KIRREL3: variants seen among roughly 807,000 people sequenced by gnomAD.
The protein encoded by KIRREL3 is kirre like nephrin family adhesion molecule 3, also known as kin of IRRE-like protein 3.
KIRREL3 carries 36 observed loss-of-function variants against 89.7 expected under a neutral mutation model. The ratio of observed to expected loss-of-function variants is 0.40; its 90% CI spans 0.31 to 0.53. KIRREL3 has a LOEUF of 0.53. KIRREL3 is among the 20% of genes least tolerant of loss of function. KIRREL3 has a pLI of 0.49. For synonymous variants in KIRREL3, 445 were observed against 441.4 expected, an observed-to-expected ratio of 1.01 and a Z score of -0.10; for missense variants, 864 against 1,056.6, an observed-to-expected ratio of 0.82 and a Z score of 2.53.
chr11:126,979,400 A>G (rs1949663874), intron 1 of KIRREL3, among the ~76,000 whole-genome samples: 1 of 152,208 alleles, frequency 6.6e-6, no homozygotes. Flanking sequence ...TTAACATATA[A>G]CAGCTACCTT....
chr11:126,464,359 A>AAG (rs1565476379), intron 5 of KIRREL3, among the ~76,000 whole-genome samples: 1 of 146,052 alleles, frequency 6.8e-6, no homozygotes, highest in Admixed American at 6.8e-5. Context: ...AAAAAAAAAA[A>AAG]AAAGAAAAAA....
intron 1 of KIRREL3, among the ~76,000 whole-genome samples, chr11:126,675,419 T>C (rs187307781): frequency 6.6e-6 from 1 of 152,222 alleles, no homozygotes; most frequent in African/African-American, 2.4e-5. Context: ...GAGATTACAA[T>C]GAACAACATT....
chr11:126,855,864 C>T (rs942928183), intron 1 of KIRREL3, among the ~76,000 whole-genome samples: 1 of 152,214 alleles, frequency 6.6e-6, no homozygotes, highest in Non-Finnish European at 1.5e-5. Context: ...CAGGGTTTCT[C>T]TGGACCTGGT....
intron 1 of KIRREL3, among the ~76,000 whole-genome samples, chr11:126,691,038 T>C (rs1437978178): frequency 2.0e-5 from 3 of 152,220 alleles, no homozygotes; most frequent in Non-Finnish European, 4.4e-5. Flanking sequence ...AATAAACATA[T>C]GATGGGATGT....
chr11:126,488,157 C>T (rs1957417206), intron 4 of KIRREL3, among the ~76,000 whole-genome samples: 2 of 152,356 alleles, frequency 1.3e-5, no homozygotes, highest in Admixed American at 1.3e-4. Context: ...GAGACCTATT[C>T]ACCGGGGCAG....
In KIRREL3 at chr11:126,965,568, G is replaced by A. The variant is rs891547758; in HGVS notation, c.55+34887C>T. Among the ~76,000 whole-genome samples, 3 of 152,096 alleles carry A rather than the reference G, an allele frequency of 2.0e-5. No homozygotes were observed. The highest frequency in any genetic ancestry group is 7.2e-5 in the African/African-American group (3 of 41,428). On this transcript the variant is annotated intron_variant, in intron 1 of 16. Transcript: ENST00000525144. The surrounding 1 kb of genome is among the most constrained non-coding windows in gnomAD (Gnocchi z 4.4). ...GTGCGTCATTGCCATTTGAATTCAC[G>A]GATCCAGTGATCCCTGCTTTTGCAT... is the stretch of plus-strand genomic sequence containing the variant.
At chr11:126,534,325 G>A (rs1038784559) in intron 2 of KIRREL3, among the ~76,000 whole-genome samples, 3 of 152,334 alleles carry the variant, frequency 2.0e-5, no homozygotes, top group Admixed American at 6.5e-5. Flanking sequence ...TCTGACTGGC[G>A]CTGAACTAGC....
Position 126,905,946 on chromosome 11 carries a change from C to A in KIRREL3, c.55+94509G>T, listed in dbSNP as rs1946566437. On this transcript the variant is annotated intron_variant, in intron 1 of 16. Transcript: ENST00000525144. The surrounding 1 kb of genome is among the most constrained non-coding windows in gnomAD (Gnocchi z 5.0). ...AGATGAAACAGGCTGACAGGCAGAG[C>A]CATTCTGTTTGGGGTTTGTCTACAA... 6.6e-6 allele frequency among the ~76,000 whole-genome samples: 1 copy of A among 152,158 alleles called. No homozygotes were observed. The highest frequency in any genetic ancestry group is 2.4e-5 in the African/African-American group (1 of 41,436).
At chr11:126,829,936 C>T (rs1375996149) in intron 1 of KIRREL3, among the ~76,000 whole-genome samples, 1 of 152,126 alleles carries the variant, frequency 6.6e-6, no homozygotes, top group Non-Finnish European at 1.5e-5. Context: ...TGTCCTGAGC[C>T]TGGAAAGATG....
Position 126,709,878 on chromosome 11 carries a change from T to C in KIRREL3, c.56-146966A>G, listed in dbSNP as rs1176635558. The stretch of plus-strand genomic sequence containing the variant: ...CAAGGGAGCTGGAGAGGCTGAGCAC[T>C]GGGGCACGAGGGTAGGTAATGATGT... On this transcript the variant is annotated intron_variant, in intron 1 of 16. Coordinates refer to ENST00000525144, the MANE Select transcript of KIRREL3 (RefSeq NM_032531.4). The surrounding 1 kb of genome is among the most constrained non-coding windows in gnomAD (Gnocchi z 4.0). Among the ~76,000 whole-genome samples, 1 of 152,206 alleles carries C rather than the reference T, an allele frequency of 6.6e-6. No individual in the cohort carries two copies. The highest frequency in any genetic ancestry group is 1.9e-4 in the East Asian group (1 of 5,194).
chr11:126,473,450 G>A lies in KIRREL3; in HGVS notation c.450C>T (p.Pro150=), dbSNP rs749727346. 1.4e-5 allele frequency: 22 copies of A among 1,559,650 alleles called. No individual in the cohort carries two copies. Among genetic ancestry groups the A allele is most frequent in the African/African-American group, 5.4e-5 (4 of 74,040 alleles). Residue 150 remains proline (P), a synonymous_variant, in exon 5 of 17, where the codon CCC becomes CCT. Coordinates refer to ENST00000525144, the MANE Select transcript of KIRREL3 (RefSeq NM_032531.4). The stretch of plus-strand genomic sequence containing the variant: ...TGATCACAGGGCCCCCCAGGATGAC[G>A]GGGTCATCAGGCGGCACTGCGGGGA... ...RLTVLVPPDD[P]VILGGPVISL...
Position 126,652,192 on chromosome 11 carries a change from G to A in KIRREL3, c.56-89280C>T, listed in dbSNP as rs932396800. ...TGGAATTTCAGCCCCTCAGAGTGAAGGGATGGGCTTCTTTGGTTGAGTTCC... is the reference window on the plus strand; with the variant it reads ...TGGAATTTCAGCCCCTCAGAGTGAAAGGATGGGCTTCTTTGGTTGAGTTCC... On this transcript the variant is annotated intron_variant, in intron 1 of 16. Transcript: ENST00000525144. This position sits in a 1 kb window ranked among gnomAD's most constrained non-coding sequence, Gnocchi z 4.9. Among the ~76,000 whole-genome samples, 1 of 152,166 alleles carries A rather than the reference G, an allele frequency of 6.6e-6. No homozygotes were observed. Among genetic ancestry groups the A allele is most frequent in the Non-Finnish European group, 1.5e-5 (1 of 68,034 alleles).
chr11:126,704,211 T>C lies in KIRREL3; in HGVS notation c.56-141299A>G, dbSNP rs1380666568. ...TGCCCATCCAGCTGAGCAACATGTA[T>C]TTACACAGCACACACATTTGCATCA... On this transcript the variant is annotated intron_variant, in intron 1 of 16. Transcript: ENST00000525144. The surrounding 1 kb of genome is among the most constrained non-coding windows in gnomAD (Gnocchi z 4.2). Among the ~76,000 whole-genome samples, 1 of 152,200 alleles carries C rather than the reference T, an allele frequency of 6.6e-6. No individual in the cohort carries two copies.
At chr11:126,732,399 T>C (rs1485849865) in intron 1 of KIRREL3, among the ~76,000 whole-genome samples, 2 of 152,164 alleles carry the variant, frequency 1.3e-5, no homozygotes, top group East Asian at 3.9e-4. Flanking sequence ...GAAAATATAG[T>C]AAGCACACAA....
Position 126,608,152 on chromosome 11 carries a change from G to A in KIRREL3, c.56-45240C>T, listed in dbSNP as rs1942965712. 6.6e-6 allele frequency among the ~76,000 whole-genome samples: 1 copy of A among 152,114 alleles called. No homozygotes were observed. Among genetic ancestry groups the A allele is most frequent in the African/African-American group, 2.4e-5 (1 of 41,434 alleles). ...AGTCTGAGCTGGGTGCCAATTCCAG[G>A]AATGCAGCTGGAGGTGGGGGCGGGC... On this transcript the variant is annotated intron_variant, in intron 1 of 16. Transcript: ENST00000525144. The surrounding 1 kb of genome is among the most constrained non-coding windows in gnomAD (Gnocchi z 4.9).
intron 4 of KIRREL3, among the ~76,000 whole-genome samples, chr11:126,507,877 G>T (rs970113003): frequency 6.6e-6 from 1 of 152,238 alleles, no homozygotes; most frequent in Admixed American, 6.5e-5. Context: ...AGAGTAAGAG[G>T]ACCAGCTCTC....
chr11:126,697,462 T>A lies in KIRREL3; in HGVS notation c.56-134550A>T, dbSNP rs1006390964. ...CACAGACCCTGACTCAGAGGAGATA[T>A]TCAATGAATGCTGGTTCTACTCTAC... On this transcript the variant is annotated intron_variant, in intron 1 of 16. Coordinates refer to ENST00000525144, the MANE Select transcript of KIRREL3 (RefSeq NM_032531.4). This position sits in a 1 kb window ranked among gnomAD's most constrained non-coding sequence, Gnocchi z 4.2. Among the ~76,000 whole-genome samples, 1 of 152,240 alleles carries A rather than the reference T, an allele frequency of 6.6e-6. No individual in the cohort carries two copies. The highest frequency in any genetic ancestry group is 2.4e-5 in the African/African-American group (1 of 41,466).
At chr11:126,480,069 G>A (rs1341491533) in intron 4 of KIRREL3, among the ~76,000 whole-genome samples, 3 of 152,132 alleles carry the variant, frequency 2.0e-5, no homozygotes, top group Non-Finnish European at 2.9e-5. Flanking sequence ...ATCTCCATCC[G>A]GATCCCCATC....
chr11:126,890,240 T>C lies in KIRREL3; in HGVS notation c.55+110215A>G, dbSNP rs907324009. 6.6e-6 allele frequency among the ~76,000 whole-genome samples: 1 copy of C among 151,606 alleles called. No individual in the cohort carries two copies. Among genetic ancestry groups the C allele is most frequent in the Non-Finnish European group, 1.5e-5 (1 of 67,918 alleles). On this transcript the variant is annotated intron_variant, in intron 1 of 16. Transcript: ENST00000525144. This position sits in a 1 kb window ranked among gnomAD's most constrained non-coding sequence, Gnocchi z 5.1. Reference sequence around the variant, plus strand: ...CGGCAGGTTCATGAAAGAGAAAGGGTCTTCTTCCTGAGCAGCCTTCCGAGA... The same window carrying C: ...CGGCAGGTTCATGAAAGAGAAAGGGCCTTCTTCCTGAGCAGCCTTCCGAGA...
Sources: gnomAD v4.1 joint callset for allele counts (sites outside exome capture counted in the v4.1 genomes callset) on GRCh38, gnomAD v4.1.1 for gene constraint, Gnocchi (gnomAD v3.1) non-coding constraint, MANE v1.5 for transcripts, NCBI Gene and HGNC (gene_info 2026-07-23, HGNC 2026-07-21) for gene names.